CLVS1: variants seen among roughly 807,000 people sequenced by gnomAD.
CLVS1 encodes clavesin-1.
CLVS1 carries 10 observed loss-of-function variants against 33.1 expected under a neutral mutation model. The observed-to-expected ratio is 0.30, with a 90% CI of 0.19 to 0.51. The LOEUF (loss-of-function observed/expected upper bound fraction) is 0.51, where lower values mean the gene tolerates loss of function less well. Ranked by LOEUF, CLVS1 falls within the 20% of genes least tolerant of loss-of-function variation. The probability of loss-of-function intolerance (pLI) is 0.97; values close to 1 mark genes in which losing one functional copy is unlikely to be tolerated. For missense variants in CLVS1, 343 were observed against 433.4 expected (o/e 0.79, Z 1.85); for synonymous variants, 163 against 166.1 (o/e 0.98, Z 0.14).
upstream of CLVS1, among the ~76,000 whole-genome samples, chr8:61,285,547 G>A (rs1809759224): frequency 6.6e-6 from 1 of 152,152 alleles, no homozygotes; most frequent in Admixed American, 6.5e-5. Flanking sequence ...AAGGGTGAAG[G>A]CCCGGCCTGC....
At chr8:61,038,438 T>C in the CLVS1 span, among the ~76,000 whole-genome samples, 5 of 72,888 alleles carry the variant, frequency 6.9e-5, no homozygotes, top group Non-Finnish European at 1.3e-4. Context: ...CTGTCGTTTG[T>C]ATATATATAT....
rs16926875 is a variant in CLVS1 at position 61,122,465 on chromosome 8, C to T, written c.-242-9305C>T. ...TCAAACACATCTTTCTGGTGACCTA[C>T]TGGCAAGTCTTTGCAATCTCAGCTT... On this transcript the variant is annotated intron_variant, in intron 1 of 2. Transcript: ENST00000522621. Among the ~76,000 whole-genome samples, 1,447 of 152,174 alleles carry T rather than the reference C, an allele frequency of 9.5e-3. 19 individuals are homozygous for T. The highest frequency in any genetic ancestry group is 0.033 in the African/African-American group (1,375 of 41,500).
At chr8:61,336,800 G>C (rs958894740) in intron 2 of CLVS1, among the ~76,000 whole-genome samples, 2 of 152,108 alleles carry the variant, frequency 1.3e-5, no homozygotes, top group Non-Finnish European at 2.9e-5. Flanking sequence ...GACTAAGGTA[G>C]GTGGTGCAAA....
At chr8:61,369,246 T>A (rs998661017) in intron 2 of CLVS1, among the ~76,000 whole-genome samples, 4 of 152,194 alleles carry the variant, frequency 2.6e-5, no homozygotes, top group Admixed American at 1.3e-4. Flanking sequence ...TAATATTAAT[T>A]CTACTAGAGC....
At chr8:61,318,215 ATC>A (rs541224223) in intron 2 of CLVS1, among the ~76,000 whole-genome samples, 250 of 152,230 alleles carry the variant, frequency 1.6e-3, no homozygotes, top group African/African-American at 5.8e-3. Flanking sequence ...CTTCATAGTA[ATC>A]TGGTTTTTCT....
intron 2 of CLVS1, among the ~76,000 whole-genome samples, chr8:61,316,744 C>G (rs1811022414): frequency 6.6e-6 from 1 of 152,202 alleles, no homozygotes. Context: ...CTTTCTGAAT[C>G]TAGATGGGAC....
intron 5 of CLVS1, among the ~76,000 whole-genome samples, chr8:61,486,542 A>C (rs992291370): frequency 2.0e-5 from 3 of 152,234 alleles, no homozygotes; most frequent in African/African-American, 7.2e-5. Context: ...TCCTTCACGT[A>C]CCTTAAACTG....
intron 2 of CLVS1, among the ~76,000 whole-genome samples, chr8:61,214,111 C>T (rs1478503971): frequency 2.0e-5 from 3 of 152,174 alleles, no homozygotes; most frequent in Non-Finnish European, 4.4e-5. Context: ...ACCGGTTGCT[C>T]TCAAAACCCT....
intron 2 of CLVS1, among the ~76,000 whole-genome samples, chr8:61,160,878 T>C (rs1322260695): frequency 6.6e-6 from 1 of 152,180 alleles, no homozygotes; most frequent in East Asian, 1.9e-4. Flanking sequence ...TGCTGTCAGT[T>C]TAGCAAGAAT....
intron 2 of CLVS1, among the ~76,000 whole-genome samples, chr8:61,162,803 G>A (rs941018707): frequency 1.3e-5 from 2 of 152,122 alleles, no homozygotes; most frequent in Non-Finnish European, 2.9e-5. Context: ...GTTTGAGCTA[G>A]CCTTTTGTCT....
chr8:61,138,783 C>T lies in CLVS1; in HGVS notation c.-152+6923C>T, dbSNP rs1235800427. Among the ~76,000 whole-genome samples the T allele has an allele frequency of 5.3e-5, 8 of 152,244 alleles. No individual in the cohort carries two copies. In the East Asian group the frequency reaches 1.2e-3, roughly 22 times the overall value. Reference sequence around the variant, plus strand: ...TCTGGGAGTGCCCCATAGAGCTGGGCGTCACATCTCATGGGGAAAGGGTAG... The same window carrying T: ...TCTGGGAGTGCCCCATAGAGCTGGGTGTCACATCTCATGGGGAAAGGGTAG... On this transcript the variant is annotated intron_variant, in intron 2 of 2. Transcript: ENST00000522621.
intron 2 of CLVS1, among the ~76,000 whole-genome samples, chr8:61,134,203 G>A (rs989776371): frequency 9.9e-5 from 15 of 152,120 alleles, no homozygotes; most frequent in African/African-American, 3.4e-4. Flanking sequence ...AAAAAGTGTT[G>A]ATCACTCCAC....
intron 3 of CLVS1, among the ~76,000 whole-genome samples, chr8:61,385,435 A>G (rs532649633): frequency 1.3e-5 from 2 of 152,334 alleles, no homozygotes; most frequent in South Asian, 2.1e-4. Flanking sequence ...AGCATTTGGC[A>G]TTCTTGAAGG....
At chr8:61,131,380 C>A (rs1015594689) in intron 1 of CLVS1, among the ~76,000 whole-genome samples, 1 of 152,056 alleles carries the variant, frequency 6.6e-6, no homozygotes, top group Non-Finnish European at 1.5e-5. Context: ...GAAGAGTTTG[C>A]GGAGTCAATT....
chr8:61,403,854 T>G (rs940507265), intron 3 of CLVS1, among the ~76,000 whole-genome samples: 2 of 152,230 alleles, frequency 1.3e-5, no homozygotes, highest in Admixed American at 1.3e-4. Flanking sequence ...ATCTACTTAA[T>G]GCTTCCCAAG....
intron 5 of CLVS1, among the ~76,000 whole-genome samples, chr8:61,477,440 T>A (rs1242550986): frequency 6.6e-6 from 1 of 152,228 alleles, no homozygotes; most frequent in Non-Finnish European, 1.5e-5. Flanking sequence ...GGACTTCTTT[T>A]GGTTGCTATG....
chr8:61,234,201 AG>A (rs1808504639), intron 2 of CLVS1, among the ~76,000 whole-genome samples: 1 of 152,086 alleles, frequency 6.6e-6, no homozygotes, highest in East Asian at 1.9e-4. Flanking sequence ...TGCTGTGGCC[AG>A]GGGGTAGAGA....
chr8:61,157,019 T>C (rs1406224608), intron 2 of CLVS1, among the ~76,000 whole-genome samples: 1 of 152,230 alleles, frequency 6.6e-6, no homozygotes, highest in African/African-American at 2.4e-5. Flanking sequence ...CAATGAATTT[T>C]GACTTCACAC....
At chr8:61,421,946 G>A (rs1363582788) in intron 3 of CLVS1, among the ~76,000 whole-genome samples, 3 of 152,110 alleles carry the variant, frequency 2.0e-5, no homozygotes, top group South Asian at 2.1e-4. Flanking sequence ...CTGTGAACAC[G>A]TGAATTGAAA....
Sources: allele counts gnomAD v4.1 joint callset (sites outside exome capture counted in the v4.1 genomes callset), GRCh38; gene constraint gnomAD v4.1.1; transcripts MANE v1.5; gene names NCBI Gene and HGNC (gene_info 2026-07-23, HGNC 2026-07-21).